ARHGAP11A: variants seen among roughly 807,000 people sequenced by gnomAD.
ARHGAP11A encodes the protein rho GTPase-activating protein 11A.
ARHGAP11A carries 36 observed loss-of-function variants against 60.5 expected under a neutral mutation model. The ratio of observed to expected loss-of-function variants is 0.59; its 90% CI spans 0.46 to 0.79. The LOEUF (loss-of-function observed/expected upper bound fraction) is 0.79, where lower values mean the gene tolerates loss of function less well. ARHGAP11A is among the 30% of genes least tolerant of loss of function. ARHGAP11A has a pLI of 0.00. For synonymous variants in ARHGAP11A, 362 were observed against 415.5 expected (o/e 0.87, Z 1.57); for missense variants, 1,071 against 1,199.2 (o/e 0.89, Z 1.58).
chr15:32,631,489 G>T (rs1046797556), intron 8 of ARHGAP11A, among the ~76,000 whole-genome samples: 1 of 151,976 alleles, frequency 6.6e-6, no homozygotes, highest in African/African-American at 2.4e-5. Context: ...TAGTAGAGAC[G>T]GGGTTTCACC....
intron 1 of ARHGAP11A, among the ~76,000 whole-genome samples, chr15:32,618,008 C>T (rs918236119): frequency 6.6e-6 from 1 of 152,188 alleles, no homozygotes; most frequent in African/African-American, 2.4e-5. Context: ...GCCACTTCTT[C>T]ATCTAATGAT....
At chr15:32,620,286 A>G in intron 2 of ARHGAP11A, 108 bp downstream of exon 2, 2 of 1,588,136 alleles carry the variant, frequency 1.3e-6, no homozygotes, top group Non-Finnish European at 1.7e-6. Context: ...GGAGCTTAAG[A>G]CCAGCCTGGG....
chr15:32,624,352 C>G lies in ARHGAP11A; in HGVS notation c.477C>G (p.Leu159=), dbSNP rs915215654. 2.5e-6 allele frequency: 4 copies of G among 1,613,950 alleles called. No individual in the cohort carries two copies. The highest frequency in any genetic ancestry group is 3.4e-6 in the Non-Finnish European group (4 of 1,179,864). Residue 159 remains leucine (L), a synonymous_variant, in exon 4 of 12, where the codon CTC becomes CTG. Coordinates refer to ENST00000361627, the MANE Select transcript of ARHGAP11A (RefSeq NM_014783.6). ...AAAAGAATAAAGCTACACTGTTGCTCTCCTGTCTTCTGGCTGACCACACAG... is the reference window on the plus strand; with the variant it reads ...AAAAGAATAAAGCTACACTGTTGCTGTCCTGTCTTCTGGCTGACCACACAG... The part of the protein sequence containing the change: ...TEEKNKATLL[L]SCLLADHTVH...
At chr15:32,617,705 C>G (rs940990943) in intron 1 of ARHGAP11A, among the ~76,000 whole-genome samples, 2 of 152,152 alleles carry the variant, frequency 1.3e-5, no homozygotes, top group African/African-American at 4.8e-5. Context: ...ATCTCCTGCC[C>G]TCGTGATCCG....
Position 32,639,337 on chromosome 15 carries a change from T to C in ARHGAP11A, c.*1492T>C, listed in dbSNP as rs1471738621. On this transcript the variant is annotated 3_prime_UTR_variant, in exon 12 of 12. Transcript: ENST00000361627. ...AGCAACCAGACTTACAGCATAAGTA[T>C]GTACGAGGAATTTCAAATCATCAGA... is the stretch of plus-strand genomic sequence containing the variant. 1.3e-5 allele frequency: 2 copies of C among 152,204 alleles called. No individual in the cohort carries two copies. The highest frequency in any genetic ancestry group is 6.5e-5 in the Admixed American group (1 of 15,280). The allele number at this position is 152,204 out of a possible 1,614,324, so 9.4% of individuals were successfully genotyped here.
At chr15:32,617,592 T>C (rs1017883022) in intron 1 of ARHGAP11A, among the ~76,000 whole-genome samples, 1 of 150,780 alleles carries the variant, frequency 6.6e-6, no homozygotes, top group Non-Finnish European at 1.5e-5. Context: ...CTGCCTCAGC[T>C]TCCCGAGTAG....
At position 32,625,213 on chromosome 15, in the gene ARHGAP11A, C is replaced by T. The variant is rs750127370; in HGVS notation, c.685C>T (p.Gln229Ter). ...GCTACGATTACAGGCTGCAGTAGTA[C>T]AGACTCTTATCGATTATGCATCAGA... is the stretch of plus-strand genomic sequence containing the variant. Reference protein sequence around the residue: ...KKLRLQAAVVQTLIDYASDIG... With the variant: ...KKLRLQAAVV The change falls in exon 5 of 12, where the codon CAG becomes TAG. Residue 229 changes from glutamine to a stop codon, truncating the protein, a stop_gained. Transcript: ENST00000361627. LOFTEE classifies it high-confidence loss of function. 1.5e-5 allele frequency: 24 copies of T among 1,612,944 alleles called. No individual in the cohort carries two copies. The highest frequency in any genetic ancestry group is 1.9e-5 in the Non-Finnish European group (23 of 1,179,592).
rs570030386 is a variant in ARHGAP11A, at chr15:32,619,980, TGATA to T, written c.130-122_130-119del. On this transcript the variant is annotated intron_variant, in intron 1 of 11. Coordinates refer to ENST00000361627, the MANE Select transcript of ARHGAP11A (RefSeq NM_014783.6). The stretch of plus-strand genomic sequence containing the variant: ...GCACTTGAAATGATTATTTTTGTCT[TGATA>T]GATAGTTTATCATTTATTTCTGATT... The T allele has an allele frequency of 7.8e-4, 1,180 of 1,510,438 alleles. 1 individual carries two copies. Among genetic ancestry groups the T allele is most frequent in the East Asian group, 2.2e-3 (95 of 43,024 alleles). The allele number at this position is 1,510,438 out of a possible 1,614,324, so 93.6% of individuals were successfully genotyped here. A position where few individuals can be genotyped will look rare whatever the true frequency, so the allele number is the denominator to read the frequency against.
intron 9 of ARHGAP11A, among the ~76,000 whole-genome samples, chr15:32,633,366 C>T (rs916100498): frequency 6.6e-6 from 1 of 152,096 alleles, no homozygotes; most frequent in Admixed American, 6.6e-5. Flanking sequence ...AGAGGCTGGG[C>T]ACGGTGGCTT....
chr15:32,637,651 G>A lies in ARHGAP11A; in HGVS notation c.2878G>A (p.Val960Ile), dbSNP rs779604757. The change falls in exon 12 of 12, where the codon GTT becomes ATT. Residue 960 changes from valine to isoleucine, a missense_variant. Transcript: ENST00000361627. ...GATCTTATCTGATGGCCAAGTTAAG[G>A]TTCCCTTGGATGATCTGACTAATCA... Reference protein sequence around the residue: ...QKILSDGQVKVPLDDLTNHDI... With the variant: ...QKILSDGQVKIPLDDLTNHDI... 5.0e-6 allele frequency: 8 copies of A among 1,614,112 alleles called. No individual in the cohort carries two copies. In the Admixed American group the frequency reaches 8.3e-5, roughly 17 times the overall value.
At position 32,623,533 on chromosome 15, in the gene ARHGAP11A, A is replaced by G. The variant is rs1400570058; in HGVS notation, c.242A>G (p.His81Arg). The change falls in exon 3 of 12, where the codon CAT becomes CGT. Residue 81 changes from histidine to arginine, a missense_variant. His to Arg is a conservative substitution (Grantham distance 29). This residue lies in a region of ARHGAP11A where 71 missense variants were observed against 142.4 expected (regional missense o/e 0.50). Coordinates refer to ENST00000361627, the MANE Select transcript of ARHGAP11A (RefSeq NM_014783.6). ...TGCACATCTTTAGAAGACCATATTC[A>G]TACCGAAGGGCTTTTTCGGAAATCA... ...DACTSLEDHI[H>R]TEGLFRKSGS... 2 of 1,614,080 alleles carry G rather than the reference A, an allele frequency of 1.2e-6. No homozygotes were observed. Among genetic ancestry groups the G allele is most frequent in the Non-Finnish European group, 1.7e-6 (2 of 1,180,050 alleles).
chr15:32,635,207 C>G (rs181505992), intron 10 of ARHGAP11A, among the ~76,000 whole-genome samples: 1 of 152,306 alleles, frequency 6.6e-6, no homozygotes, highest in Admixed American at 6.5e-5. Flanking sequence ...TCTGCTCTTT[C>G]TGTAGTGTTC....
intron 8 of ARHGAP11A, among the ~76,000 whole-genome samples, chr15:32,632,434 A>G (rs574858099): frequency 6.6e-6 from 1 of 152,318 alleles, no homozygotes; most frequent in Admixed American, 6.5e-5. Context: ...ATATTGAACA[A>G]ATTACATTCC....
In ARHGAP11A at chr15:32,629,604, C is replaced by A. The variant is rs140352579; in HGVS notation, c.947C>A (p.Ser316Tyr). 84 of 1,605,258 alleles carry A rather than the reference C, an allele frequency of 5.2e-5. No individual in the cohort carries two copies. The highest frequency in any genetic ancestry group is 7.0e-5 in the Non-Finnish European group (82 of 1,176,366). The change falls in exon 8 of 12, where the codon TCT becomes TAT. Residue 316 changes from serine (S) to tyrosine (Y), a missense_variant. Physicochemically the swap from Ser to Tyr is moderately radical, Grantham distance 144. Around this residue, in one of 4 missense-constraint regions of ARHGAP11A, gnomAD observed 196 missense variants for 272.1 expected, o/e 0.72. Transcript: ENST00000361627. ...TTTGATATTTTTTCAGCCCAGCTAT[C>A]TGAATCACCAGTGATTCTTACACCA... ...TPQEERIAQL[S>Y]ESPVILTPNA...
intron 1 of ARHGAP11A, among the ~76,000 whole-genome samples, chr15:32,618,829 G>C (rs1474886162): frequency 1.4e-5 from 2 of 146,432 alleles, no homozygotes; most frequent in Admixed American, 1.4e-4. Context: ...GCGGGCGCCT[G>C]TAGTCCCAGC....
chr15:32,635,430 T>A (rs539692040), intron 10 of ARHGAP11A, among the ~76,000 whole-genome samples: 1 of 152,268 alleles, frequency 6.6e-6, no homozygotes, highest in African/African-American at 2.4e-5. Context: ...CCCATCTAAA[T>A]AGAATGTAAA....
In ARHGAP11A at chr15:32,637,367, A is replaced by G. The variant is rs113616812; in HGVS notation, c.2594A>G (p.Asp865Gly). The G allele has an allele frequency of 1.2e-6, 2 of 1,614,142 alleles. No individual in the cohort carries two copies. Among genetic ancestry groups the G allele is most frequent in the Non-Finnish European group, 1.7e-6 (2 of 1,180,008 alleles). Residue 865 changes from aspartate (D) to glycine (G), a missense_variant, in exon 12 of 12, where the codon GAT becomes GGT. By Grantham distance (94) the Asp-to-Gly change is moderately conservative (BLOSUM62 -1). Transcript: ENST00000361627. ...PTGHKLASLG[D>G]TASPLVKSVS... is the part of the protein sequence containing the mutation. ...GGGCATAAGTTGGCGAGTCTTGGTG[A>G]TACAGCTTCTCCTTTGGTCAAATCA... is the stretch of plus-strand genomic sequence containing the variant.
intron 11 of ARHGAP11A, 140 bp downstream of exon 11, chr15:32,636,055 A>G (rs2053706365): frequency 1.2e-5 from 17 of 1,378,810 alleles, no homozygotes; most frequent in South Asian, 7.3e-5. Flanking sequence ...AGAATTGGCA[A>G]TGTATTTTTC....
chr15:32,622,435 A>G (rs1420637475), intron 2 of ARHGAP11A, among the ~76,000 whole-genome samples: 2 of 152,184 alleles, frequency 1.3e-5, no homozygotes, highest in Non-Finnish European at 2.9e-5. Context: ...AAAAGAAAAA[A>G]AAAAGCAGAT....
Sources: allele counts gnomAD v4.1 joint callset (sites outside exome capture counted in the v4.1 genomes callset), GRCh38; gene constraint gnomAD v4.1.1; regional missense constraint gnomAD v4.1.1; transcripts MANE v1.5; gene names NCBI Gene and HGNC (gene_info 2026-07-23, HGNC 2026-07-21).